FER1L5: variants seen among roughly 807,000 people sequenced by gnomAD.
FER1L5 encodes the protein fer-1-like protein 5.
In FER1L5, 187 loss-of-function variants were observed where a neutral mutation model predicts 279.9. The ratio of observed to expected loss-of-function variants is 0.67; its 90% CI spans 0.59 to 0.75. The LOEUF (loss-of-function observed/expected upper bound fraction) is 0.75. Ranked by LOEUF, FER1L5 falls within the 30% of genes least tolerant of loss-of-function variation. FER1L5 has a pLI of 0.00. For missense variants in FER1L5, 2,091 were observed against 2,594.4 expected (o/e 0.81, Z 4.21); for synonymous variants, 921 against 989.7 (o/e 0.93, Z 1.30).
In FER1L5 at chr2:96,697,574, G is replaced by A; in HGVS notation, c.4132G>A (p.Glu1378Lys). 6.2e-7 allele frequency: 1 copy of A among 1,613,830 alleles called. No homozygotes were observed. Among genetic ancestry groups the A allele is most frequent in the Non-Finnish European group, 8.5e-7 (1 of 1,179,796 alleles). Residue 1378 changes from glutamate (E) to lysine (K), a missense_variant and splice_region_variant, in exon 38 of 53, where the codon GAG becomes AAG. Physicochemically the swap from Glu to Lys is moderately conservative, Grantham distance 56. Coordinates refer to ENST00000624922, the MANE Select transcript of FER1L5 (RefSeq NM_001293083.2). The part of the protein sequence containing the change: ...RKFWFKSSKA[E>K]DEYEHEVDWW... ...GTTCTGGTTCAAGTCCAGTAAAGCA[G>A]AGGTGATGAAGGCTCAGCCCCATTC...
At position 96,701,918 on chromosome 2, in the gene FER1L5, T is replaced by C. The variant is rs756592701; in HGVS notation, c.5071-37T>C. 6.8e-6 allele frequency: 11 copies of C among 1,606,190 alleles called. 1 individual carries two copies. In the Admixed American group the frequency reaches 1.0e-4, roughly 15 times the overall value. ...AGGCCAGCCTGCTGAGAACAGAGGC[T>C]AGCAACCCCCAACCAGTCAATGTAT... On this transcript the variant is annotated intron_variant, in intron 45 of 52. Coordinates refer to ENST00000624922, the MANE Select transcript of FER1L5 (RefSeq NM_001293083.2).
In FER1L5 at chr2:96,693,548, C is replaced by T. The variant is rs1348387634; in HGVS notation, c.3335C>T (p.Thr1112Ile). ...GTCTTCCTGAACCACAGCCAGTGCACCCAAACCCTGAGGAGCTCTGCAGGC... is the reference window on the plus strand; with the variant it reads ...GTCTTCCTGAACCACAGCCAGTGCATCCAAACCCTGAGGAGCTCTGCAGGC... ...RVVFLNHSQCTQTLRSSAGPT... is the reference protein window; with the variant it reads ...RVVFLNHSQCIQTLRSSAGPT... The change falls in exon 32 of 53, where the codon ACC becomes ATC. Residue 1112 changes from threonine to isoleucine, a missense_variant. Transcript: ENST00000624922. The T allele has an allele frequency of 4.5e-6, 7 of 1,551,360 alleles. No homozygotes were observed. The highest frequency in any genetic ancestry group is 6.1e-6 in the Non-Finnish European group (7 of 1,146,922).
At chr2:96,686,473 G>A in intron 23 of FER1L5, 123 bp downstream of exon 23, 1 of 1,124,622 alleles carries the variant, frequency 8.9e-7, no homozygotes, top group Non-Finnish European at 1.2e-6. Flanking sequence ...CATGGAATGG[G>A]GTTGAAACAG....
chr2:96,668,746 C>T lies in FER1L5; in HGVS notation c.1141-5C>T, dbSNP rs1227224260. 16 of 1,551,416 alleles carry T rather than the reference C, an allele frequency of 1.0e-5. No homozygotes were observed. The highest frequency in any genetic ancestry group is 1.7e-6 in the Non-Finnish European group (2 of 1,146,916). ...CCCACCGCACCTCTCTCCTTCCCTCCACAGCTACCCTGCCTCTCCAGCTAC... is the reference window on the plus strand; with the variant it reads ...CCCACCGCACCTCTCTCCTTCCCTCTACAGCTACCCTGCCTCTCCAGCTAC... On this transcript the variant is annotated splice_region_variant and splice_polypyrimidine_tract_variant and intron_variant, in intron 14 of 52. Coordinates refer to ENST00000624922, the MANE Select transcript of FER1L5 (RefSeq NM_001293083.2).
chr2:96,659,359 T>C (rs1351622642), intron 9 of FER1L5, among the ~76,000 whole-genome samples: 1 of 70,540 alleles, frequency 1.4e-5, no homozygotes, highest in African/African-American at 5.0e-5. Flanking sequence ...CCTTCCTTCC[T>C]TCCTTCTTTC....
At chr2:96,653,800 C>A in intron 8 of FER1L5, 98 bp downstream of exon 8, 1 of 843,318 alleles carries the variant, frequency 1.2e-6, no homozygotes, top group Non-Finnish European at 1.9e-6. Context: ...GAGCCAGGGG[C>A]ACTTCAGATT....
Position 96,697,765 on chromosome 2 carries a change from TGAA to T in FER1L5, c.4236+6_4236+8del. 1 of 1,613,780 alleles carries T rather than the reference TGAA, an allele frequency of 6.2e-7. No individual in the cohort carries two copies. Among genetic ancestry groups the T allele is most frequent in the Non-Finnish European group, 8.5e-7 (1 of 1,179,722 alleles). On this transcript the variant is annotated splice_donor_5th_base_variant and intron_variant, in intron 39 of 52. Coordinates refer to ENST00000624922, the MANE Select transcript of FER1L5 (RefSeq NM_001293083.2). The stretch of plus-strand genomic sequence containing the variant: ...CAAAGACTACCACACCCTCAAGGTT[TGAA>T]GGAGGGAAGAAATGGGATGGAATCA...
intron 19 of FER1L5, among the ~76,000 whole-genome samples, chr2:96,674,590 G>A (rs2076445088): frequency 2.0e-5 from 3 of 152,052 alleles, no homozygotes; most frequent in Admixed American, 2.0e-4. Context: ...ATAATATGTG[G>A]TTCTTTGTCA....
At position 96,693,128 on chromosome 2, in the gene FER1L5, A is replaced by G. The variant is rs2077222529; in HGVS notation, c.3293-378A>G. Among the ~76,000 whole-genome samples the G allele has an allele frequency of 3.3e-5, 5 of 151,212 alleles. No homozygotes were observed. The South Asian group carries it at 1.0e-3, about 32-fold the overall frequency. On this transcript the variant is annotated intron_variant, in intron 31 of 52. Transcript: ENST00000624922. Reference sequence around the variant, plus strand: ...GAGGCAGAGGTTGCAGTGAGCCGAGATGTGCCACTGCACTCCAGCCTGGGC... The same window carrying G: ...GAGGCAGAGGTTGCAGTGAGCCGAGGTGTGCCACTGCACTCCAGCCTGGGC...
rs2077124967 is a variant in FER1L5 at position 96,691,130 on chromosome 2, TC to T, written c.2744-58del. 1 of 1,495,156 alleles carries T rather than the reference TC, an allele frequency of 6.7e-7. No individual in the cohort carries two copies. The highest frequency in any genetic ancestry group is 2.2e-5 in the Admixed American group (1 of 45,160). The allele number at this position is 1,495,156 out of a possible 1,614,324, so 92.6% of individuals were successfully genotyped here. On this transcript the variant is annotated intron_variant, in intron 27 of 52. Transcript: ENST00000624922. The surrounding 1 kb of genome is among the most constrained non-coding windows in gnomAD (Gnocchi z 6.0). ...CTCTAGGGCCTGTCTCCCGGGTTTG[TC>T]CAGGCCTCCCAACCTGCGGGCACCT...
intron 8 of FER1L5, chr2:96,653,908 A>C (rs898364513): frequency 8.9e-6 from 5 of 564,698 alleles, no homozygotes; most frequent in South Asian, 2.2e-5. Context: ...GCCAACTGCC[A>C]GGCCCTGAAC....
intron 18 of FER1L5, among the ~76,000 whole-genome samples, chr2:96,672,095 T>G (rs1416091814): frequency 9.2e-5 from 14 of 152,148 alleles, no homozygotes; most frequent in Admixed American, 9.2e-4. Flanking sequence ...AAATTTTTTT[T>G]GAGATGGAGT....
intron 19 of FER1L5, among the ~76,000 whole-genome samples, chr2:96,679,804 G>A (rs1356689915): frequency 2.0e-5 from 3 of 151,716 alleles, no homozygotes; most frequent in African/African-American, 2.4e-5. Context: ...ATTTCATTTC[G>A]GTTACTTTTC....
intron 18 of FER1L5, 113 bp from the exon 19 acceptor site, chr2:96,672,964 G>T: frequency 7.4e-7 from 1 of 1,348,592 alleles, no homozygotes; most frequent in South Asian, 1.5e-5. Flanking sequence ...TTGAGAGGGA[G>T]AGAAGGGAAG....
In FER1L5 at chr2:96,702,705, C is replaced by G; in HGVS notation, c.5361C>G (p.Tyr1787Ter). The part of the protein sequence containing the change: ...FNWRFIFTMD[Y>*]LAAERTCVQS... ...GGCGGTTCATCTTTACCATGGACTA[C>G]CTGGCGGCGGAGCGCACGTGTGTCC... Residue 1787 changes from tyrosine to a stop codon, truncating the protein, a stop_gained, in exon 48 of 53, where the codon TAC becomes TAG. Transcript: ENST00000624922. LOFTEE classifies it high-confidence loss of function. The surrounding 1 kb of genome is among the most constrained non-coding windows in gnomAD (Gnocchi z 4.0). The G allele has an allele frequency of 6.2e-7, 1 of 1,613,122 alleles. No individual in the cohort carries two copies. The highest frequency in any genetic ancestry group is 1.1e-5 in the South Asian group (1 of 90,852).
chr2:96,659,421 CT>C lies in FER1L5; in HGVS notation c.748-917del, dbSNP rs1371070214. On this transcript the variant is annotated intron_variant, in intron 9 of 52. Coordinates refer to ENST00000624922, the MANE Select transcript of FER1L5 (RefSeq NM_001293083.2). ...TCTTTCTTTCTTTCTTTCTTTCTTT[CT>C]TTCTTTCTTTCTTTCTTTCTTTCTT... 2.5e-3 allele frequency among the ~76,000 whole-genome samples: 21 copies of C among 8,520 alleles called. 2 individuals are homozygous for C. The highest frequency in any genetic ancestry group is 4.0e-3 in the Admixed American group (2 of 506). The allele number at this position is 8,520 out of a possible 152,430, so 5.6% of individuals were successfully genotyped here.
chr2:96,691,582 C>T lies in FER1L5; in HGVS notation c.3045C>T (p.Ile1015=), dbSNP rs1330343943. The change falls in exon 29 of 53, where the codon ATC becomes ATT. Residue 1015 remains isoleucine, a synonymous_variant. Coordinates refer to ENST00000624922, the MANE Select transcript of FER1L5 (RefSeq NM_001293083.2). The surrounding 1 kb of genome is among the most constrained non-coding windows in gnomAD (Gnocchi z 6.0). Reference sequence around the variant, plus strand: ...TGGCCCCCAACAAGGACAAGGGCATCGCGCCCATATTCCTCCTGGAGGGGT... The same window carrying T: ...TGGCCCCCAACAAGGACAAGGGCATTGCGCCCATATTCCTCCTGGAGGGGT... ...RRLAPNKDKG[I]APIFLLEGSL... 9.1e-6 allele frequency: 14 copies of T among 1,542,436 alleles called. No homozygotes were observed. The highest frequency in any genetic ancestry group is 3.6e-5 in the South Asian group (3 of 82,790).
Position 96,694,457 on chromosome 2 carries a change from C to T in FER1L5, c.3734C>T (p.Ala1245Val), listed in dbSNP as rs1323576472. 2 of 1,543,416 alleles carry T rather than the reference C, an allele frequency of 1.3e-6. No individual in the cohort carries two copies. The highest frequency in any genetic ancestry group is 1.2e-5 in the South Asian group (1 of 82,584). The change falls in exon 34 of 53, where the codon GCC becomes GTC. Residue 1245 changes from alanine (A) to valine (V), a missense_variant. Ala to Val is a moderately conservative substitution (Grantham distance 64, BLOSUM62 0). Transcript: ENST00000624922. The surrounding 1 kb of genome is among the most constrained non-coding windows in gnomAD (Gnocchi z 4.6). ...ATCCAGCCCACGATAAAGAGGATGG[C>T]CATTGAGGTGCTGGCGATGTGGGAT... The part of the protein sequence containing the change: ...KSIQPTIKRM[A>V]IEILAWGLRN...
At chr2:96,704,132 A>T (rs1373303295) in intron 51 of FER1L5, 83 bp from the exon 52 acceptor site, 2 of 1,534,026 alleles carry the variant, frequency 1.3e-6, no homozygotes, top group East Asian at 4.5e-5. Flanking sequence ...TTGCTTTTTT[A>T]AAAAAGAAAG....
Sources: allele counts gnomAD v4.1 joint callset (sites outside exome capture counted in the v4.1 genomes callset), GRCh38; gene constraint gnomAD v4.1.1; non-coding constraint Gnocchi (gnomAD v3.1); transcripts MANE v1.5; gene names NCBI Gene and HGNC (gene_info 2026-07-23, HGNC 2026-07-21).